The following RANBP17 variants were observed in gnomAD, a reference collection of about 807,000 sequenced individuals.
The protein encoded by RANBP17 is ran-binding protein 17.
Under a neutral mutation model 141.2 loss-of-function variants are expected in RANBP17, and 158 were observed. That is an observed-to-expected ratio of 1.12 (90% CI 0.98 to 1.28). RANBP17 has a LOEUF of 1.28. Among genes scored for constraint, RANBP17 ranks in the 50% most tolerant of loss-of-function variants. The pLI, the probability that RANBP17 is intolerant of heterozygous loss-of-function variation, is 0.00. For missense variants in RANBP17, 1,438 were observed against 1,290.7 expected, an observed-to-expected ratio of 1.11 and a Z score of -1.75; for synonymous variants, 430 against 450.0, an observed-to-expected ratio of 0.96 and a Z score of 0.56.
Position 170,878,231 on chromosome 5 carries a change from A to G in RANBP17, c.153A>G (p.Leu51=). ...PECLSKCQLL[L]EQGTTSYAQL... is the part of the protein sequence containing the mutation. ...GTCTCAGCAAGTGTCAACTTTTATT[A>G]GAACAAGGAACAGTAAGTATTTGGT... is the stretch of plus-strand genomic sequence containing the variant. Residue 51 remains leucine (L), a synonymous_variant, in exon 2 of 28, where the codon TTA becomes TTG. Transcript: ENST00000523189. 1 of 1,607,660 alleles carries G rather than the reference A, an allele frequency of 6.2e-7. No homozygotes were observed. Among genetic ancestry groups the G allele is most frequent in the African/African-American group, 1.3e-5 (1 of 74,840 alleles).
intron 14 of RANBP17, among the ~76,000 whole-genome samples, chr5:171,099,439 C>T (rs574251314): frequency 1.2e-3 from 188 of 152,156 alleles, no homozygotes; most frequent in Non-Finnish European, 2.3e-3. Context: ...TCGTGATTTT[C>T]GCACGTTGAT....
intron 24 of RANBP17, among the ~76,000 whole-genome samples, chr5:171,255,465 A>G (rs568312820): frequency 3.3e-5 from 5 of 152,280 alleles, no homozygotes; most frequent in African/African-American, 1.2e-4. Context: ...GCCAAGTTAA[A>G]TTTCATATTA....
intron 3 of RANBP17, among the ~76,000 whole-genome samples, chr5:170,882,988 A>G (rs1394842890): frequency 6.6e-6 from 1 of 152,150 alleles, no homozygotes; most frequent in Non-Finnish European, 1.5e-5. Context: ...TTTATCAGAA[A>G]AGTTAAAATG....
chr5:171,233,981 G>A (rs901562097), intron 22 of RANBP17, among the ~76,000 whole-genome samples: 1 of 152,064 alleles, frequency 6.6e-6, no homozygotes, highest in South Asian at 2.1e-4. Context: ...GTGCATGTGT[G>A]GGGGCAGGAG....
chr5:170,959,393 T>A (rs1775976797), intron 13 of RANBP17, among the ~76,000 whole-genome samples: 1 of 152,244 alleles, frequency 6.6e-6, no homozygotes, highest in Non-Finnish European at 1.5e-5. Context: ...GTGCTACTTC[T>A]GACCTCATTT....
chr5:171,260,910 A>G (rs1430246254), intron 24 of RANBP17, among the ~76,000 whole-genome samples: 2 of 152,162 alleles, frequency 1.3e-5, no homozygotes, highest in African/African-American at 2.4e-5. Context: ...CTACTAGATC[A>G]TTTCCCATGA....
Position 171,155,089 on chromosome 5 carries a change from A to AT in RANBP17, c.1711-15041_1711-15040insT, listed in dbSNP as rs1285087833. On this transcript the variant is annotated intron_variant, in intron 14 of 27. Coordinates refer to ENST00000523189, the MANE Select transcript of RANBP17 (RefSeq NM_022897.5). ...TGATACTCCATCTAGAAAAAAAAAA[A>AT]AAAAAATATATATATATATATATAT... Among the ~76,000 whole-genome samples, 15 of 110,458 alleles carry AT rather than the reference A, an allele frequency of 1.4e-4. No individual in the cohort carries two copies. The East Asian group carries it at 2.5e-3, about 19-fold the overall frequency. 72.5% of individuals were successfully genotyped at this position (110,458 alleles called of 152,430 possible). A position where few individuals can be genotyped will look rare whatever the true frequency, so the allele number is the denominator to read the frequency against.
At chr5:171,070,006 A>G (rs1314930529) in intron 14 of RANBP17, among the ~76,000 whole-genome samples, 2 of 152,204 alleles carry the variant, frequency 1.3e-5, no homozygotes, top group Non-Finnish European at 2.9e-5. Flanking sequence ...ATAAAATTAA[A>G]CAGACGGGAA....
At chr5:170,973,476 T>C (rs1184466909) in intron 14 of RANBP17, among the ~76,000 whole-genome samples, 1 of 152,218 alleles carries the variant, frequency 6.6e-6, no homozygotes, top group Non-Finnish European at 1.5e-5. Flanking sequence ...TAAAAACTCC[T>C]GTGAATCAGA....
At chr5:170,928,702 A>G (rs979892164) in intron 12 of RANBP17, among the ~76,000 whole-genome samples, 15 of 152,022 alleles carry the variant, frequency 9.9e-5, no homozygotes, top group Non-Finnish European at 2.2e-4. Context: ...TCCTTATGCT[A>G]ATACTATATT....
chr5:171,013,699 T>C (rs762786163), intron 14 of RANBP17, among the ~76,000 whole-genome samples: 10 of 152,120 alleles, frequency 6.6e-5, no homozygotes, highest in Non-Finnish European at 1.3e-4. Flanking sequence ...TGTTTAAACC[T>C]CCAAATTCGA....
chr5:171,168,608 T>C (rs1759869507), intron 14 of RANBP17, among the ~76,000 whole-genome samples: 2 of 152,138 alleles, frequency 1.3e-5, no homozygotes, highest in Non-Finnish European at 2.9e-5. Context: ...AGGTTTGTGA[T>C]TATTGAGGAT....
chr5:171,117,304 T>TAAA (rs758664266), intron 14 of RANBP17, among the ~76,000 whole-genome samples: 63 of 152,242 alleles, frequency 4.1e-4, no homozygotes, highest in Non-Finnish European at 6.8e-4. Context: ...ATATAAACAG[T>TAAA]ATTTTGTCCA....
intron 14 of RANBP17, among the ~76,000 whole-genome samples, chr5:171,080,841 T>TG (rs1199164848): frequency 6.6e-6 from 1 of 152,172 alleles, no homozygotes; most frequent in Admixed American, 6.5e-5. Flanking sequence ...AGACTGGCCT[T>TG]GGTAATGTAG....
chr5:171,152,368 G>A (rs1293053216), intron 14 of RANBP17, among the ~76,000 whole-genome samples: 1 of 150,616 alleles, frequency 6.6e-6, no homozygotes, highest in African/African-American at 2.4e-5. Flanking sequence ...GCAGTGAGCT[G>A]AGATCGCTAT....
intron 14 of RANBP17, among the ~76,000 whole-genome samples, chr5:171,048,298 G>A (rs1782725861): frequency 6.6e-6 from 1 of 152,102 alleles, no homozygotes; most frequent in African/African-American, 2.4e-5. Flanking sequence ...GGACTCAAGT[G>A]ATCCTCCTAT....
chr5:171,244,688 A>C (rs965090164), intron 24 of RANBP17, among the ~76,000 whole-genome samples: 1 of 152,052 alleles, frequency 6.6e-6, no homozygotes, highest in East Asian at 1.9e-4. Context: ...CTCAAGCGAT[A>C]CACCCACCTC....
intron 13 of RANBP17, among the ~76,000 whole-genome samples, chr5:170,959,826 T>C (rs944168407): frequency 1.3e-5 from 2 of 152,230 alleles, no homozygotes; most frequent in Non-Finnish European, 2.9e-5. Context: ...CTTTATCCTC[T>C]TCATCTTAAA....
intron 1 of RANBP17, among the ~76,000 whole-genome samples, chr5:170,863,987 T>TC (rs1767034962): frequency 6.6e-6 from 1 of 152,246 alleles, no homozygotes; most frequent in Non-Finnish European, 1.5e-5. Flanking sequence ...TATAGGATCA[T>TC]ATTGTTAATC....
Sources: gnomAD v4.1 joint callset for allele counts (sites outside exome capture counted in the v4.1 genomes callset) on GRCh38, gnomAD v4.1.1 for gene constraint, MANE v1.5 for transcripts, NCBI Gene and HGNC (gene_info 2026-07-23, HGNC 2026-07-21) for gene names.